Variants in TRMT10B observed in about 807,000 individuals in gnomAD.
TRMT10B encodes tRNA methyltransferase 10B, also known as tRNA methyltransferase 10 homolog B.
TRMT10B carries 33 observed loss-of-function variants against 43.8 expected under a neutral mutation model. The ratio of observed to expected loss-of-function variants is 0.75; its 90% CI spans 0.57 to 1.01. The LOEUF (loss-of-function observed/expected upper bound fraction) is 1.01. Among genes scored for constraint, TRMT10B ranks in the 50% least tolerant of loss-of-function variants. The probability of loss-of-function intolerance (pLI) is 0.00; values close to 1 mark genes in which losing one functional copy is unlikely to be tolerated. For missense variants in TRMT10B, 362 were observed against 369.8 expected (o/e 0.98, Z 0.17); for synonymous variants, 137 against 130.6 (o/e 1.05, Z -0.34).
intron 7 of TRMT10B, among the ~76,000 whole-genome samples, chr9:37,773,913 T>C (rs1297051576): frequency 1.4e-5 from 2 of 146,894 alleles, no homozygotes; most frequent in Admixed American, 6.9e-5. Context: ...GTCACACCAC[T>C]GCACTTCAGC....
At chr9:37,761,458 G>A (rs918789756) in intron 1 of TRMT10B, among the ~76,000 whole-genome samples, 2 of 152,272 alleles carry the variant, frequency 1.3e-5, no homozygotes, top group Middle Eastern at 3.4e-3. Context: ...CCGCACTTTG[G>A]GGGGCCGAGA....
rs1322634030 is a variant in TRMT10B at position 37,761,992 on chromosome 9, G to GT, written c.61_62insT (p.Glu21ValfsTer9). 6.2e-7 allele frequency: 1 copy of GT among 1,613,906 alleles called. No individual in the cohort carries two copies. The highest frequency in any genetic ancestry group is 1.1e-5 in the South Asian group (1 of 91,060). ...AGAGTCACCTGTGCTGCAGGGGCAAGAAGGCATCCTAGAGGAGACAGGTGA... is the reference window on the plus strand; with the variant it reads ...AGAGTCACCTGTGCTGCAGGGGCAAGTAAGGCATCCTAGAGGAGACAGGTGA... On this transcript the variant is annotated frameshift_variant, in exon 2 of 9. Transcript: ENST00000297994. LOFTEE classifies it high-confidence loss of function.
intron 2 of TRMT10B, 39 bp downstream of exon 2, chr9:37,762,156 T>C (rs1333889192): frequency 1.3e-6 from 2 of 1,577,288 alleles, no homozygotes; most frequent in Non-Finnish European, 1.7e-6. Flanking sequence ...CCTTGAATGA[T>C]GGAATGTCTC....
upstream of TRMT10B, among the ~76,000 whole-genome samples, chr9:37,753,144 C>T (rs370629845): frequency 9.2e-5 from 14 of 151,960 alleles, no homozygotes; most frequent in African/African-American, 3.1e-4. Context: ...CAGCTTCACT[C>T]CTGAAGCTAG....
Position 37,777,635 on chromosome 9 carries a change from C to A in TRMT10B, c.879C>A (p.His293Gln). 6.2e-7 allele frequency: 1 copy of A among 1,613,992 alleles called. No homozygotes were observed. Among genetic ancestry groups the A allele is most frequent in the East Asian group, 2.2e-5 (1 of 44,876 alleles). Reference sequence around the variant, plus strand: ...TCCTGTCCACTTACTTAGAGACTCACAACTGGCCTGAAGCATTGAAGAAAG... The same window carrying A: ...TCCTGTCCACTTACTTAGAGACTCAAAACTGGCCTGAAGCATTGAAGAAAG... ...FDILSTYLET[H>Q]NWPEALKKGV... Residue 293 changes from histidine (H) to glutamine (Q), a missense_variant, in exon 9 of 9, where the codon CAC becomes CAA. Coordinates refer to ENST00000297994, the MANE Select transcript of TRMT10B (RefSeq NM_144964.4).
chr9:37,767,316 G>A (rs1345460101), intron 4 of TRMT10B: 1 of 151,786 alleles, frequency 6.6e-6, no homozygotes, highest in Non-Finnish European at 1.5e-5. Flanking sequence ...AGGAGTTCAA[G>A]ACTAGCCTAG....
At chr9:37,765,599 C>A (rs916317649) in intron 4 of TRMT10B, among the ~76,000 whole-genome samples, 1 of 152,164 alleles carries the variant, frequency 6.6e-6, no homozygotes, top group African/African-American at 2.4e-5. Flanking sequence ...TGGGTATATA[C>A]CCAGTAATGG....
At chr9:37,754,208 C>T (rs1177744872) in intron 1 of TRMT10B, among the ~76,000 whole-genome samples, 1 of 152,190 alleles carries the variant, frequency 6.6e-6, no homozygotes, top group South Asian at 2.1e-4. Flanking sequence ...ATTTATTAAG[C>T]ATCTATAAGC....
At chr9:37,766,033 G>C (rs986405153) in intron 4 of TRMT10B, among the ~76,000 whole-genome samples, 15 of 151,650 alleles carry the variant, frequency 9.9e-5, no homozygotes, top group Admixed American at 3.9e-4. Flanking sequence ...TAGGTTGCCT[G>C]TTCACTCTGA....
intron 6 of TRMT10B, 90 bp downstream of exon 6, chr9:37,770,109 G>T: frequency 8.6e-7 from 1 of 1,165,002 alleles, no homozygotes; most frequent in South Asian, 1.2e-5. Context: ...CCCTCAAGAA[G>T]GACACCCCTC....
At chr9:37,769,634 T>TTA in intron 5 of TRMT10B, 1 of 233,940 alleles carries the variant, frequency 4.3e-6, no homozygotes, top group Admixed American at 5.1e-5. Context: ...TTTTTTTTTT[T>TTA]AAAGACAGGC....
chr9:37,763,399 C>T (rs926100350), intron 3 of TRMT10B, among the ~76,000 whole-genome samples: 1 of 152,078 alleles, frequency 6.6e-6, no homozygotes, highest in Non-Finnish European at 1.5e-5. Context: ...TAATTATGCC[C>T]AAGATAATGT....
chr9:37,762,482 T>C lies in TRMT10B; in HGVS notation c.187-95T>C, dbSNP rs1168729993. 6.1e-6 allele frequency: 9 copies of C among 1,472,972 alleles called. No homozygotes were observed. In the East Asian group the frequency reaches 2.2e-4, roughly 37 times the overall value. 91.2% of individuals were successfully genotyped at this position (1,472,972 alleles called of 1,614,324 possible). The stretch of plus-strand genomic sequence containing the variant: ...TTCCTCTTTCTCTCCAAACTATATA[T>C]ATAAATAAGAAAAAAGCAAATGTTT... On this transcript the variant is annotated intron_variant, in intron 2 of 8. Transcript: ENST00000297994.
chr9:37,775,390 A>T (rs1280858825), intron 7 of TRMT10B, among the ~76,000 whole-genome samples: 1 of 152,218 alleles, frequency 6.6e-6, no homozygotes, highest in African/African-American at 2.4e-5. Flanking sequence ...CAGCAAATGT[A>T]ATCTGACTGA....
chr9:37,762,195 T>C, intron 2 of TRMT10B, 78 bp downstream of exon 2: 1 of 1,419,334 alleles, frequency 7.0e-7, no homozygotes, highest in Non-Finnish European at 9.5e-7. Flanking sequence ...AGATGGATAC[T>C]GGTAGTGAAA....
intron 7 of TRMT10B, among the ~76,000 whole-genome samples, chr9:37,774,297 T>G (rs528664870): frequency 6.6e-6 from 1 of 152,342 alleles, no homozygotes; most frequent in African/African-American, 2.4e-5. Context: ...CCACGGTGCC[T>G]GGCCAACAGT....
chr9:37,776,973 C>A lies in TRMT10B; in HGVS notation c.844+568C>A, dbSNP rs146252455. On this transcript the variant is annotated intron_variant, in intron 8 of 8. Transcript: ENST00000297994. ...CTTTGGGAGGCTGAGGTGGGCAGAT[C>A]ACCTGAGGTCGGGAGGTCGAGACCA... 5.9e-5 allele frequency among the ~76,000 whole-genome samples: 9 copies of A among 151,296 alleles called. 1 individual carries two copies. The highest frequency in any genetic ancestry group is 1.2e-4 in the Non-Finnish European group (8 of 67,868).
chr9:37,759,178 T>TA (rs1359381428), intron 1 of TRMT10B, among the ~76,000 whole-genome samples: 2 of 152,172 alleles, frequency 1.3e-5, no homozygotes, highest in Non-Finnish European at 2.9e-5. Context: ...CATGTATCCA[T>TA]AAAAACACAT....
intron 1 of TRMT10B, among the ~76,000 whole-genome samples, chr9:37,756,797 T>C (rs1368270925): frequency 7.7e-6 from 1 of 130,600 alleles, no homozygotes; most frequent in Non-Finnish European, 1.7e-5. Flanking sequence ...CATACATGTG[T>C]ATGTGTATAT....
Sources: allele counts gnomAD v4.1 joint callset (sites outside exome capture counted in the v4.1 genomes callset), GRCh38; gene constraint gnomAD v4.1.1; transcripts MANE v1.5; gene names NCBI Gene and HGNC (gene_info 2026-07-23, HGNC 2026-07-21).